TENM2: variants seen among roughly 807,000 people sequenced by gnomAD.
The protein encoded by TENM2 is teneurin transmembrane protein 2.
TENM2 carries 52 observed loss-of-function variants against 245.2 expected under a neutral mutation model. The ratio of observed to expected loss-of-function variants is 0.21; its 90% confidence interval spans 0.17 to 0.27. The LOEUF is 0.27. Among genes scored for constraint, TENM2 ranks in the 10% least tolerant of loss-of-function variants. TENM2 has a pLI of 1.00. For synonymous variants in TENM2, 1,363 were observed against 1,438.9 expected, an observed-to-expected ratio of 0.95 and a Z score of 1.19; for missense variants, 3,046 against 3,666.8, an observed-to-expected ratio of 0.83 and a Z score of 4.37.
intron 5 of TENM2, among the ~76,000 whole-genome samples, chr5:168,026,918 A>C (rs1786676298): frequency 6.6e-6 from 1 of 152,206 alleles, no homozygotes; most frequent in African/African-American, 2.4e-5. Context: ...AGGAAAATTA[A>C]TCACTTCACA....
intron 2 of TENM2, among the ~76,000 whole-genome samples, chr5:167,551,241 G>C (rs1481199138): frequency 6.6e-6 from 1 of 152,172 alleles, no homozygotes; most frequent in Non-Finnish European, 1.5e-5. Flanking sequence ...AAATAGTGTT[G>C]ACTATGTGTC....
intron 12 of TENM2, among the ~76,000 whole-genome samples, chr5:168,158,646 T>A (rs1757406967): frequency 6.6e-6 from 1 of 151,018 alleles, no homozygotes; most frequent in South Asian, 2.1e-4. Flanking sequence ...CCTCCTCAAA[T>A]TGTGACAATC....
intron 2 of TENM2, among the ~76,000 whole-genome samples, chr5:167,709,081 TC>T (rs551305146): frequency 4.7e-4 from 71 of 152,174 alleles, no homozygotes; most frequent in African/African-American, 1.7e-3. Flanking sequence ...CCAAGTATAG[TC>T]ACAGAAACTA....
intron 23 of TENM2, among the ~76,000 whole-genome samples, chr5:168,219,917 C>T (rs1458134139): frequency 6.7e-6 from 1 of 149,874 alleles, no homozygotes; most frequent in Non-Finnish European, 1.5e-5. Context: ...ATGTTTACTT[C>T]CTGTTTGTAT....
intron 1 of TENM2, among the ~76,000 whole-genome samples, chr5:167,292,492 T>G (rs1392531583): frequency 6.6e-6 from 1 of 152,222 alleles, no homozygotes; most frequent in Non-Finnish European, 1.5e-5. Flanking sequence ...CTTCCAATAT[T>G]TCAACACTGG....
intron 2 of TENM2, among the ~76,000 whole-genome samples, chr5:167,609,941 A>G (rs1582535166): frequency 6.6e-6 from 1 of 152,052 alleles, no homozygotes; most frequent in Non-Finnish European, 1.5e-5. Flanking sequence ...CCACAGGTTA[A>G]GGGCTCAGTC....
At chr5:167,266,881 A>G in the TENM2 span, among the ~76,000 whole-genome samples, 2 of 152,202 alleles carry the variant, frequency 1.3e-5, no homozygotes, top group East Asian at 1.9e-4. Context: ...ATCACTTTTC[A>G]TAAGTAGAGA....
At chr5:168,014,421 A>T (rs1420750062) in intron 5 of TENM2, among the ~76,000 whole-genome samples, 1 of 152,202 alleles carries the variant, frequency 6.6e-6, no homozygotes, top group Non-Finnish European at 1.5e-5. Flanking sequence ...CTGGCCTCTG[A>T]GTCCTTGCAT....
At chr5:167,144,168 A>T in the TENM2 span, among the ~76,000 whole-genome samples, 1 of 151,906 alleles carries the variant, frequency 6.6e-6, no homozygotes, top group East Asian at 1.9e-4. Context: ...AAAAAAAAAA[A>T]TTGTTAAATG....
chr5:168,226,788 ATTG>A (rs369979285), intron 24 of TENM2, among the ~76,000 whole-genome samples: 17 of 152,132 alleles, frequency 1.1e-4, no homozygotes, highest in African/African-American at 3.9e-4. Flanking sequence ...CCCTGTGGTT[ATTG>A]TTGCTACTAG....
At chr5:168,079,898 TG>T (rs1188566456) in intron 7 of TENM2, among the ~76,000 whole-genome samples, 1 of 152,208 alleles carries the variant, frequency 6.6e-6, no homozygotes, top group African/African-American at 2.4e-5. Context: ...TCTCTTTTTT[TG>T]TTGTGTCTCT....
the TENM2 span, among the ~76,000 whole-genome samples, chr5:167,029,908 A>G: frequency 6.6e-6 from 1 of 152,220 alleles, no homozygotes; most frequent in Non-Finnish European, 1.5e-5. Flanking sequence ...CTTGCTTGCA[A>G]ACCACCTGAG....
At chr5:167,569,078 C>CTTTTTTTTTTTTTTTT (rs34311803) in intron 2 of TENM2, among the ~76,000 whole-genome samples, 3 of 48,954 alleles carry the variant, frequency 6.1e-5, no homozygotes, top group African/African-American at 2.8e-4. Flanking sequence ...CTTCCTACAG[C>CTTTTTTTTTTTTTTTT]TTTTTTTTTT....
chr5:168,167,888 A>G (rs1371689992), intron 13 of TENM2, among the ~76,000 whole-genome samples: 1 of 152,194 alleles, frequency 6.6e-6, no homozygotes, highest in Non-Finnish European at 1.5e-5. Flanking sequence ...CATGTGATGT[A>G]TTTTACAAGA....
chr5:167,012,768 A>T, the TENM2 span, among the ~76,000 whole-genome samples: 1 of 151,978 alleles, frequency 6.6e-6, no homozygotes, highest in Non-Finnish European at 1.5e-5. Flanking sequence ...AATTAGGGGG[A>T]CCTTTTTTTC....
the TENM2 span, among the ~76,000 whole-genome samples, chr5:167,172,594 G>A: frequency 7.3e-4 from 108 of 148,310 alleles, 1 homozygote; most frequent in African/African-American, 2.3e-3. Flanking sequence ...AACTTTTTAC[G>A]TTTTTTTTCT....
rs1437587032 is a variant in TENM2, at chr5:167,776,593, G to GGAAA, written c.503-99393_503-99392insGAAA. ...TTGGGCAGCAGATGAGACCCTGTCT[G>GGAAA]AAAAAAAAAAAAAAAAAAAAAAAAA... On this transcript the variant is annotated intron_variant, in intron 2 of 28. Transcript: ENST00000518659. Among the ~76,000 whole-genome samples the GGAAA allele has an allele frequency of 5.1e-3, 182 of 36,028 alleles. 31 individuals carry two copies. The highest frequency in any genetic ancestry group is 0.015 in the African/African-American group (169 of 11,438). 23.6% of individuals were successfully genotyped at this position (36,028 alleles called of 152,430 possible). A position where few individuals can be genotyped will look rare whatever the true frequency, so the allele number is the denominator to read the frequency against.
At chr5:167,983,540 G>T (rs1484779089) in intron 4 of TENM2, among the ~76,000 whole-genome samples, 3 of 152,142 alleles carry the variant, frequency 2.0e-5, no homozygotes, top group African/African-American at 7.2e-5. Flanking sequence ...CCTATGAGCC[G>T]AAAGGTTCAG....
At chr5:167,654,577 C>T (rs1754710448) in intron 2 of TENM2, among the ~76,000 whole-genome samples, 1 of 151,530 alleles carries the variant, frequency 6.6e-6, no homozygotes, top group Non-Finnish European at 1.5e-5. Flanking sequence ...ACTCATCTGA[C>T]ATATCTCATT....
Sources: allele counts gnomAD v4.1 joint callset (sites outside exome capture counted in the v4.1 genomes callset), GRCh38; gene constraint gnomAD v4.1.1; transcripts MANE v1.5; gene names NCBI Gene and HGNC (gene_info 2026-07-23, HGNC 2026-07-21).